OXR1: variants seen among roughly 807,000 people sequenced by gnomAD.
OXR1 encodes oxidation resistance protein 1.
A neutral mutation model predicts 104.6 loss-of-function variants in OXR1; 41 were observed. The observed-to-expected ratio is 0.39, with a 90% CI of 0.31 to 0.51. OXR1 has a LOEUF of 0.51. Among genes scored for constraint, OXR1 ranks in the 20% least tolerant of loss-of-function variants. The pLI is 0.77. For synonymous variants in OXR1, 348 were observed against 348.4 expected (o/e 1.00, Z 0.01); for missense variants, 955 against 1,031.9 (o/e 0.93, Z 1.02).
At chr8:106,357,191 T>C (rs1816006820) in intron 1 of OXR1, among the ~76,000 whole-genome samples, 1 of 150,470 alleles carries the variant, frequency 6.6e-6, no homozygotes, top group Admixed American at 6.6e-5. Context: ...ATTCCATATA[T>C]ATGTGTATAT....
intron 2 of OXR1, among the ~76,000 whole-genome samples, chr8:106,417,200 T>C (rs1192654344): frequency 6.6e-6 from 1 of 152,120 alleles, no homozygotes; most frequent in Admixed American, 6.6e-5. Flanking sequence ...ACCTATGTCA[T>C]AAGATCACTA....
chr8:106,373,521 A>G (rs1816790335), intron 2 of OXR1, among the ~76,000 whole-genome samples: 1 of 152,174 alleles, frequency 6.6e-6, no homozygotes. Flanking sequence ...TTCTAAAATT[A>G]TGACCTTTCT....
chr8:106,393,185 C>A (rs532514482), intron 2 of OXR1, among the ~76,000 whole-genome samples: 2 of 152,222 alleles, frequency 1.3e-5, no homozygotes, highest in Admixed American at 6.5e-5. Flanking sequence ...AAATGTATGA[C>A]AAAGAGAAAT....
chr8:106,440,717 A>G (rs1374992393), intron 2 of OXR1, among the ~76,000 whole-genome samples: 1 of 152,138 alleles, frequency 6.6e-6, no homozygotes, highest in African/African-American at 2.4e-5. Flanking sequence ...TTAAAAAATA[A>G]TATTTAAGAG....
intron 2 of OXR1, among the ~76,000 whole-genome samples, chr8:106,378,815 C>T (rs983734436): frequency 6.6e-6 from 1 of 152,120 alleles, no homozygotes; most frequent in African/African-American, 2.4e-5. Context: ...GGCCTGATGT[C>T]TGACTTTCTT....
intron 3 of OXR1, among the ~76,000 whole-genome samples, chr8:106,645,675 T>C (rs1254242843): frequency 6.6e-6 from 1 of 152,190 alleles, no homozygotes; most frequent in Non-Finnish European, 1.5e-5. Context: ...GCCTTTGGGC[T>C]GATTCACCTG....
chr8:106,656,115 C>T (rs962262231), intron 3 of OXR1: 1 of 152,168 alleles, frequency 6.6e-6, no homozygotes, highest in Admixed American at 6.5e-5. Flanking sequence ...ACTTACCGAG[C>T]CTCTCTTTCA....
At chr8:106,685,710 AGAGGT>A (rs1370576280) in intron 6 of OXR1, among the ~76,000 whole-genome samples, 14 of 151,768 alleles carry the variant, frequency 9.2e-5, no homozygotes, top group Admixed American at 7.9e-4. Flanking sequence ...AAAAAAAAAA[AGAGGT>A]GAGAGATTCC....
At chr8:106,288,291 C>T (rs374353614) in intron 1 of OXR1, among the ~76,000 whole-genome samples, 15 of 152,274 alleles carry the variant, frequency 9.9e-5, no homozygotes, top group African/African-American at 2.6e-4. Context: ...GCATGTGGAA[C>T]ATTGCCGACA....
chr8:106,707,930 A>G (rs913691725), intron 9 of OXR1, among the ~76,000 whole-genome samples: 20 of 152,192 alleles, frequency 1.3e-4, no homozygotes, highest in African/African-American at 1.2e-4. Context: ...AAAATTTACC[A>G]TTTAACTTTT....
intron 3 of OXR1, among the ~76,000 whole-genome samples, chr8:106,523,989 G>C (rs1586756932): frequency 6.6e-6 from 1 of 151,984 alleles, no homozygotes; most frequent in African/African-American, 2.4e-5. Flanking sequence ...GGTTAGCCAG[G>C]ATGATCTCGA....
At chr8:106,552,124 G>T (rs961538960) in intron 3 of OXR1, among the ~76,000 whole-genome samples, 2 of 151,914 alleles carry the variant, frequency 1.3e-5, no homozygotes, top group African/African-American at 4.8e-5. Context: ...TACCGAATCA[G>T]CTAGGGTGAT....
At chr8:106,694,026 T>C (rs747511525) in intron 7 of OXR1, among the ~76,000 whole-genome samples, 2 of 152,132 alleles carry the variant, frequency 1.3e-5, no homozygotes, top group East Asian at 1.9e-4. Context: ...ATATTTTCTC[T>C]TGATTTCTTC....
intron 3 of OXR1, among the ~76,000 whole-genome samples, chr8:106,617,592 T>C (rs1821350079): frequency 6.6e-6 from 1 of 152,216 alleles, no homozygotes; most frequent in Non-Finnish European, 1.5e-5. Flanking sequence ...CAGTGTGAAC[T>C]ATATCCATTA....
chr8:106,332,973 T>G (rs1472426687), intron 1 of OXR1, among the ~76,000 whole-genome samples: 1 of 152,162 alleles, frequency 6.6e-6, no homozygotes, highest in Non-Finnish European at 1.5e-5. Context: ...CATATATCAT[T>G]TATTCATTCT....
At chr8:106,477,265 A>G (rs1821856409) in intron 2 of OXR1, among the ~76,000 whole-genome samples, 1 of 151,946 alleles carries the variant, frequency 6.6e-6, no homozygotes, top group Non-Finnish European at 1.5e-5. Context: ...GTGACATGTA[A>G]TTTACTGGAG....
intron 2 of OXR1, among the ~76,000 whole-genome samples, chr8:106,365,581 A>G (rs531979455): frequency 1.3e-5 from 2 of 152,216 alleles, no homozygotes; most frequent in African/African-American, 2.4e-5. Context: ...ATGTCTTTCT[A>G]TTCAAACTAT....
At position 106,276,735 on chromosome 8, in the gene OXR1, G is replaced by T. The variant is rs1317863947; in HGVS notation, c.-139+6368G>T. ...AGCTCAAGAGCTTCTCCTTTCAGCTGTTAGATTCTGTTAGAGGCAAAAAAA... is the reference window on the plus strand; with the variant it reads ...AGCTCAAGAGCTTCTCCTTTCAGCTTTTAGATTCTGTTAGAGGCAAAAAAA... On this transcript the variant is annotated intron_variant, in intron 1 of 16. Coordinates refer to ENST00000517566, the MANE Select transcript of OXR1 (RefSeq NM_001198533.2). 4.6e-5 allele frequency among the ~76,000 whole-genome samples: 6 copies of T among 129,832 alleles called. No homozygotes were observed. The Admixed American group carries it at 5.2e-4, about 11-fold the overall frequency. The allele number at this position is 129,832 out of a possible 152,430, so 85.2% of individuals were successfully genotyped here. A position where few individuals can be genotyped will look rare whatever the true frequency, so the allele number is the denominator to read the frequency against.
chr8:106,632,100 G>A (rs1822735916), intron 3 of OXR1, among the ~76,000 whole-genome samples: 1 of 152,122 alleles, frequency 6.6e-6, no homozygotes, highest in South Asian at 2.1e-4. Flanking sequence ...AAGACAGAAA[G>A]TTTTCTAGAT....
Sources: allele counts gnomAD v4.1 joint callset (sites outside exome capture counted in the v4.1 genomes callset), GRCh38; gene constraint gnomAD v4.1.1; transcripts MANE v1.5; gene names NCBI Gene and HGNC (gene_info 2026-07-23, HGNC 2026-07-21).